NALF1: variants seen among roughly 807,000 people sequenced by gnomAD.
The protein encoded by NALF1 is family with sequence similarity 155 member A.
Under a neutral mutation model 48.4 loss-of-function variants are expected in NALF1, and 3 were observed. That is an observed-to-expected ratio of 0.06 (90% CI 0.03 to 0.16). The LOEUF is 0.16. Among genes scored for constraint, NALF1 ranks in the 10% least tolerant of loss-of-function variants. The pLI is 1.00. For synonymous variants in NALF1, 262 were observed against 245.7 expected (o/e 1.07, Z -0.62); for missense variants, 526 against 571.5 (o/e 0.92, Z 0.81).
chr13:107,643,147 A>T (rs1428143064), intron 1 of NALF1, among the ~76,000 whole-genome samples: 2 of 152,166 alleles, frequency 1.3e-5, no homozygotes, highest in Non-Finnish European at 2.9e-5. Flanking sequence ...AGAGTCCGCC[A>T]TGGGTTATGG....
At chr13:107,555,366 G>A (rs141376163) in intron 1 of NALF1, among the ~76,000 whole-genome samples, 28,283 of 150,976 alleles carry the variant, frequency 0.19, 2,864 homozygotes, top group South Asian at 0.27. Context: ...TCCGCCTCCC[G>A]GGTTCAAGAA....
At chr13:107,786,416 CAAAAAAAAAAAAAAAA>C (rs34857705) in intron 1 of NALF1, among the ~76,000 whole-genome samples, 5 of 29,714 alleles carry the variant, frequency 1.7e-4, no homozygotes, top group Non-Finnish European at 2.4e-4. Flanking sequence ...AACTCTTTCT[CAAAAAAAAAAAAAAAA>C]AAAAAAAAAA....
At chr13:107,559,772 G>A (rs1012583317) in intron 1 of NALF1, among the ~76,000 whole-genome samples, 4 of 152,108 alleles carry the variant, frequency 2.6e-5, no homozygotes, top group African/African-American at 4.8e-5. Flanking sequence ...TTCCCAGTCC[G>A]AGTTTAAAAG....
At chr13:107,844,363 T>C (rs1312257647) in intron 1 of NALF1, among the ~76,000 whole-genome samples, 1 of 152,148 alleles carries the variant, frequency 6.6e-6, no homozygotes, top group Non-Finnish European at 1.5e-5. Flanking sequence ...TTCTTTTATA[T>C]TTTTGCAAGA....
chr13:107,618,699 CTG>C lies in NALF1; in HGVS notation c.915+246981_915+246982del, dbSNP rs559790081. ...TGTGTCAGGGATAGGATGGAGAAGACTGTGAAGGAAATGAAGGAGTAAAGCAC... is the reference window on the plus strand; with the variant it reads ...TGTGTCAGGGATAGGATGGAGAAGACTGAAGGAAATGAAGGAGTAAAGCAC... On this transcript the variant is annotated intron_variant, in intron 1 of 2. Coordinates refer to ENST00000375915, the MANE Select transcript of NALF1 (RefSeq NM_001080396.3). Among the ~76,000 whole-genome samples, 94 of 152,108 alleles carry C rather than the reference CTG, an allele frequency of 6.2e-4. 1 individual carries two copies. The highest frequency in any genetic ancestry group is 1.2e-3 in the Non-Finnish European group (84 of 67,996).
At chr13:107,819,436 G>A (rs1212856577) in intron 1 of NALF1, among the ~76,000 whole-genome samples, 1 of 152,094 alleles carries the variant, frequency 6.6e-6, no homozygotes, top group Non-Finnish European at 1.5e-5. Flanking sequence ...AGGGCATCAT[G>A]ATCTTTTGCT....
chr13:107,753,395 T>C (rs1876994511), intron 1 of NALF1, among the ~76,000 whole-genome samples: 1 of 152,240 alleles, frequency 6.6e-6, no homozygotes, highest in South Asian at 2.1e-4. Context: ...CTAAATCACT[T>C]GTGAAATTTC....
At chr13:107,340,432 C>A (rs557220014) in intron 1 of NALF1, among the ~76,000 whole-genome samples, 1 of 117,874 alleles carries the variant, frequency 8.5e-6, no homozygotes, top group African/African-American at 3.4e-5. Context: ...TGAGTTACGG[C>A]GCCTGACCTT....
intron 2 of NALF1, among the ~76,000 whole-genome samples, chr13:107,191,290 T>G (rs1206178588): frequency 6.6e-6 from 1 of 151,962 alleles, no homozygotes; most frequent in Non-Finnish European, 1.5e-5. Flanking sequence ...TTTGAAATGA[T>G]AAAGATAAAA....
At chr13:107,499,586 C>A (rs1243957710) in intron 1 of NALF1, among the ~76,000 whole-genome samples, 2 of 152,088 alleles carry the variant, frequency 1.3e-5, no homozygotes, top group Non-Finnish European at 2.9e-5. Context: ...AGGTTATATA[C>A]CACACACATG....
At chr13:107,693,380 G>A (rs1406354617) in intron 1 of NALF1, among the ~76,000 whole-genome samples, 1 of 151,804 alleles carries the variant, frequency 6.6e-6, no homozygotes. Context: ...TAAATGACGA[G>A]TTGATGGGTG....
intron 1 of NALF1, among the ~76,000 whole-genome samples, chr13:107,620,990 G>A (rs923459421): frequency 8.9e-5 from 13 of 145,792 alleles, no homozygotes; most frequent in South Asian, 4.3e-4. Flanking sequence ...GAGTGTGTGC[G>A]TGTGTGTGTG....
intron 1 of NALF1, among the ~76,000 whole-genome samples, chr13:107,674,997 G>A (rs899430143): frequency 1.1e-4 from 16 of 152,172 alleles, no homozygotes; most frequent in Admixed American, 8.5e-4. Context: ...GTTGTGATAG[G>A]ATTTGTTACA....
In NALF1 at chr13:107,840,710, A is replaced by G. The variant is rs557413643; in HGVS notation, c.915+24972T>C. Among the ~76,000 whole-genome samples, 98 of 152,314 alleles carry G rather than the reference A, an allele frequency of 6.4e-4. 2 individuals carry two copies. The South Asian group carries it at 0.011, about 16-fold the overall frequency. ...GGAAGCAGTTGTCAGTCTCTCATAC[A>G]TGGAGACAAAAGAACTGGACCAAAA... On this transcript the variant is annotated intron_variant, in intron 1 of 2. Coordinates refer to ENST00000375915, the MANE Select transcript of NALF1 (RefSeq NM_001080396.3).
At chr13:107,660,437 AC>A (rs1880699450) in intron 1 of NALF1, among the ~76,000 whole-genome samples, 10 of 4,194 alleles carry the variant, frequency 2.4e-3, no homozygotes, top group Admixed American at 8.8e-3. Context: ...TGTCTCAAAA[AC>A]ACACACACAC....
At chr13:107,353,702 GTTGTT>G (rs1445671995) in intron 1 of NALF1, among the ~76,000 whole-genome samples, 1 of 152,180 alleles carries the variant, frequency 6.6e-6, no homozygotes, top group Non-Finnish European at 1.5e-5. Context: ...ATAAATTTGT[GTTGTT>G]TTAAGTCACA....
chr13:107,554,149 G>A (rs1229193337), intron 1 of NALF1, among the ~76,000 whole-genome samples: 1 of 152,200 alleles, frequency 6.6e-6, no homozygotes, highest in African/African-American at 2.4e-5. Flanking sequence ...CTGATGTATG[G>A]CAGACGCACT....
chr13:107,753,430 T>TTTGTTG (rs141088709), intron 1 of NALF1, among the ~76,000 whole-genome samples: 16 of 151,628 alleles, frequency 1.1e-4, no homozygotes, highest in East Asian at 1.9e-4. Context: ...ACAAATCTTC[T>TTTGTTG]TTGTTGTTGT....
intron 1 of NALF1, among the ~76,000 whole-genome samples, chr13:107,516,616 A>G (rs574285484): frequency 7.0e-6 from 1 of 142,272 alleles, no homozygotes; most frequent in African/African-American, 2.8e-5. Flanking sequence ...TTGCATTTAG[A>G]AAAAAAAAAT....
Sources: allele counts gnomAD v4.1 joint callset (sites outside exome capture counted in the v4.1 genomes callset), GRCh38; gene constraint gnomAD v4.1.1; transcripts MANE v1.5; gene names NCBI Gene and HGNC (gene_info 2026-07-23, HGNC 2026-07-21).